ARHGAP12: variants seen among roughly 807,000 people sequenced by gnomAD.
ARHGAP12 encodes the protein rho GTPase-activating protein 12.
A neutral mutation model predicts 108.6 loss-of-function variants in ARHGAP12; 64 were observed. The ratio of observed to expected loss-of-function variants is 0.59; its 90% CI spans 0.48 to 0.73. The LOEUF is 0.73. ARHGAP12 is among the 30% of genes least tolerant of loss of function. The pLI, the probability that ARHGAP12 is intolerant of heterozygous loss-of-function variation, is 0.00. For missense variants in ARHGAP12, 940 were observed against 1,005.9 expected (o/e 0.93, Z 0.89); for synonymous variants, 312 against 337.2 (o/e 0.93, Z 0.82).
intron 6 of ARHGAP12, among the ~76,000 whole-genome samples, chr10:31,846,312 T>C (rs1381101650): frequency 6.6e-6 from 1 of 152,230 alleles, no homozygotes; most frequent in Non-Finnish European, 1.5e-5. Context: ...ACCCTTTCTG[T>C]TGTTCTTTAT....
chr10:31,855,628 T>C (rs1009993474), intron 4 of ARHGAP12, among the ~76,000 whole-genome samples: 14 of 152,244 alleles, frequency 9.2e-5, no homozygotes, highest in Non-Finnish European at 1.6e-4. Flanking sequence ...TTTATTTTTA[T>C]TTAATTGAGG....
intron 3 of ARHGAP12, among the ~76,000 whole-genome samples, chr10:31,869,112 A>C (rs1475643142): frequency 1.3e-5 from 2 of 152,356 alleles, no homozygotes; most frequent in East Asian, 3.9e-4. Context: ...AATCAGAGTT[A>C]AAATGAATAA....
At chr10:31,837,091 T>G (rs889393247) in intron 9 of ARHGAP12, among the ~76,000 whole-genome samples, 7 of 152,198 alleles carry the variant, frequency 4.6e-5, no homozygotes, top group African/African-American at 1.4e-4. Flanking sequence ...AAACAGTCCT[T>G]GTAACTGCAT....
At chr10:31,833,184 GA>G (rs1394784278) in intron 9 of ARHGAP12, among the ~76,000 whole-genome samples, 1 of 152,020 alleles carries the variant, frequency 6.6e-6, no homozygotes, top group East Asian at 1.9e-4. Flanking sequence ...AAAGCAGGGA[GA>G]AAACAATCTT....
intron 3 of ARHGAP12, among the ~76,000 whole-genome samples, chr10:31,873,552 G>C (rs1259869679): frequency 6.6e-6 from 1 of 152,164 alleles, no homozygotes; most frequent in Non-Finnish European, 1.5e-5. Context: ...GCATTAATTT[G>C]TCATTTTTCT....
chr10:31,843,763 T>C (rs1836351822), intron 6 of ARHGAP12, among the ~76,000 whole-genome samples, 177 bp from the exon 7 acceptor site: 1 of 152,202 alleles, frequency 6.6e-6, no homozygotes, highest in Admixed American at 6.5e-5. Context: ...TGTGGCACAA[T>C]TGAGAAGATC....
chr10:31,926,877 G>A (rs778005918), intron 1 of ARHGAP12, among the ~76,000 whole-genome samples: 1 of 152,152 alleles, frequency 6.6e-6, no homozygotes, highest in Non-Finnish European at 1.5e-5. Context: ...AACCGAAAGA[G>A]ATGCAATGTA....
intron 3 of ARHGAP12, among the ~76,000 whole-genome samples, chr10:31,902,200 G>T (rs948819880): frequency 6.6e-6 from 1 of 151,854 alleles, no homozygotes; most frequent in African/African-American, 2.4e-5. Context: ...GAATGAAACA[G>T]AATAGAGGAC....
At chr10:31,846,683 A>G (rs2132265949) in intron 6 of ARHGAP12, among the ~76,000 whole-genome samples, 1 of 152,268 alleles carries the variant, frequency 6.6e-6, no homozygotes, top group East Asian at 1.9e-4. Flanking sequence ...TTTGAATACA[A>G]TGAGCCTGGA....
intron 3 of ARHGAP12, among the ~76,000 whole-genome samples, chr10:31,882,756 T>G (rs1355394980): frequency 6.8e-6 from 1 of 147,698 alleles, no homozygotes; most frequent in Non-Finnish European, 1.5e-5. Context: ...GAAGCTGCAG[T>G]GAGCTGAGAT....
rs560222995 is a variant in ARHGAP12 at position 31,808,733 on chromosome 10, C to G, written c.2282G>C (p.Arg761Pro). The G allele has an allele frequency of 6.2e-7, 1 of 1,613,734 alleles. No homozygotes were observed. The change falls in exon 19 of 20, where the codon CGA (arginine) becomes CCA (proline). Residue 761 changes from arginine (R) to proline (P), a missense_variant. Transcript: ENST00000344936. ...GATTAGGTCCTTAACAGCAGCGACT[C>G]GCTGTCTTGGTTCTTGCTCTGAAAA... ...VNAIKQEPRQ[R>P]VAAVKDLIRQ...
At chr10:31,826,205 A>T in intron 11 of ARHGAP12, 99 bp downstream of exon 11, 2 of 856,634 alleles carry the variant, frequency 2.3e-6, no homozygotes, top group Non-Finnish European at 3.5e-6. Context: ...CACACTAGCT[A>T]TAACTATAAG....
intron 11 of ARHGAP12, among the ~76,000 whole-genome samples, chr10:31,824,755 C>A (rs1430054691): frequency 6.6e-6 from 1 of 152,128 alleles, no homozygotes; most frequent in Non-Finnish European, 1.5e-5. Context: ...GTTCCTGCTA[C>A]AACCTTCAAT....
chr10:31,894,492 T>C (rs1488541063), intron 3 of ARHGAP12, among the ~76,000 whole-genome samples: 1 of 152,102 alleles, frequency 6.6e-6, no homozygotes, highest in East Asian at 1.9e-4. Context: ...TGAACTCCCA[T>C]TCACAATTGC....
At chr10:31,849,302 G>A (rs1836583346) in intron 6 of ARHGAP12, among the ~76,000 whole-genome samples, 1 of 152,006 alleles carries the variant, frequency 6.6e-6, no homozygotes, top group Non-Finnish European at 1.5e-5. Flanking sequence ...CTAACCCAGA[G>A]TGTTTGTATT....
chr10:31,816,864 T>C (rs1040411064), intron 13 of ARHGAP12, among the ~76,000 whole-genome samples: 4 of 152,222 alleles, frequency 2.6e-5, no homozygotes, highest in African/African-American at 9.6e-5. Flanking sequence ...GATTCAGAAA[T>C]ATCATGCAAT....
chr10:31,833,259 A>G (rs1835897599), intron 9 of ARHGAP12, among the ~76,000 whole-genome samples: 1 of 151,858 alleles, frequency 6.6e-6, no homozygotes, highest in Non-Finnish European at 1.5e-5. Flanking sequence ...TACTTAAGCT[A>G]GGGAACTCAG....
chr10:31,833,845 T>C (rs375471949), intron 9 of ARHGAP12, among the ~76,000 whole-genome samples: 1 of 152,262 alleles, frequency 6.6e-6, no homozygotes, highest in African/African-American at 2.4e-5. Flanking sequence ...CAGCATTTCA[T>C]ATTTGAAGGA....
In ARHGAP12 at chr10:31,822,079, TA is replaced by T. The variant is rs536244200; in HGVS notation, c.1531-1592del. Among the ~76,000 whole-genome samples the T allele has an allele frequency of 2.3e-3, 331 of 146,084 alleles. 1 individual carries two copies. Among genetic ancestry groups the T allele is most frequent in the Middle Eastern group, 0.014 (4 of 276 alleles). ...AATACAATGACATGACATGGAATGC[TA>T]AAAAAAAAAAATGCAATCAGTATAG... is the stretch of plus-strand genomic sequence containing the variant. On this transcript the variant is annotated intron_variant, in intron 11 of 19. Transcript: ENST00000344936.
Sources: gnomAD v4.1 joint callset for allele counts (sites outside exome capture counted in the v4.1 genomes callset) on GRCh38, gnomAD v4.1.1 for gene constraint, MANE v1.5 for transcripts, NCBI Gene and HGNC (gene_info 2026-07-23, HGNC 2026-07-21) for gene names.